Variants in MTMR7 observed in about 807,000 individuals in gnomAD.
The protein encoded by MTMR7 is phosphatidylinositol-3-phosphate phosphatase MTMR7.
MTMR7 carries 76 observed loss-of-function variants against 81.2 expected under a neutral mutation model. That is an observed-to-expected ratio of 0.94 (90% CI 0.78 to 1.13). The LOEUF (loss-of-function observed/expected upper bound fraction) is 1.13, where lower values mean the gene tolerates loss of function less well. MTMR7 is among the 50% of genes most tolerant of loss of function. The probability of loss-of-function intolerance (pLI) is 0.00; values close to 1 mark genes in which losing one functional copy is unlikely to be tolerated. For missense variants in MTMR7, 1,044 were observed against 820.0 expected, an observed-to-expected ratio of 1.27 and a Z score of -3.34; for synonymous variants, 372 against 289.8, an observed-to-expected ratio of 1.28 and a Z score of -2.88.
intron 1 of MTMR7, among the ~76,000 whole-genome samples, chr8:17,409,653 G>T (rs1821686820): frequency 6.6e-6 from 1 of 152,108 alleles, no homozygotes; most frequent in African/African-American, 2.4e-5. Flanking sequence ...GACATTAAAT[G>T]AACATAACTC....
intron 13 of MTMR7, 159 bp downstream of exon 13, chr8:17,301,995 T>C: frequency 1.1e-6 from 1 of 901,464 alleles, no homozygotes; most frequent in Non-Finnish European, 1.6e-6. Flanking sequence ...TGGGCTTCGG[T>C]TATCTGAGTC....
At chr8:17,300,396 G>A (rs1817037388) in intron 13 of MTMR7, 172 bp from the exon 14 acceptor site, 1 of 656,052 alleles carries the variant, frequency 1.5e-6, no homozygotes, top group Non-Finnish European at 2.5e-6. Flanking sequence ...AAATCTGTGA[G>A]GCCTGCTTTA....
chr8:17,321,252 A>G lies in MTMR7; in HGVS notation c.866-7851T>C, dbSNP rs954430577. Among the ~76,000 whole-genome samples, 3 of 152,338 alleles carry G rather than the reference A, an allele frequency of 2.0e-5. No individual in the cohort carries two copies. In the East Asian group the frequency reaches 5.8e-4, roughly 29 times the overall value. ...AAATGGCCTGTGCCAAAAGCAAGAG[A>G]GGAATGGATGGCCACAGGACCAGGC... On this transcript the variant is annotated intron_variant, in intron 7 of 13. Coordinates refer to ENST00000180173, the MANE Select transcript of MTMR7 (RefSeq NM_004686.5).
Position 17,349,096 on chromosome 8 carries a change from T to TA in MTMR7, c.469-16dup, listed in dbSNP as rs1563351245. On this transcript the variant is annotated splice_polypyrimidine_tract_variant and intron_variant, in intron 4 of 13. Transcript: ENST00000180173. ...GAGTCACAGACCTGTCACCAGAAAA[T>TA]ACAAAGAGATTTTTAGGCCATCTAG... 6.2e-7 allele frequency: 1 copy of TA among 1,608,870 alleles called. No homozygotes were observed. Among genetic ancestry groups the TA allele is most frequent in the South Asian group, 1.1e-5 (1 of 90,638 alleles).
chr8:17,404,337 G>A (rs6988585), intron 1 of MTMR7, among the ~76,000 whole-genome samples: 1 of 152,038 alleles, frequency 6.6e-6, no homozygotes, highest in Non-Finnish European at 1.5e-5. Context: ...AGATTGGAAA[G>A]AGTACAAGAG....
chr8:17,409,196 A>C (rs10113143), intron 1 of MTMR7, among the ~76,000 whole-genome samples: 104,009 of 152,026 alleles, frequency 0.68, 36,211 homozygotes, highest in East Asian at 0.9. Flanking sequence ...CAGTGGCTCA[A>C]ACCTGCAATC....
intron 1 of MTMR7, among the ~76,000 whole-genome samples, chr8:17,400,209 A>G (rs1821386277): frequency 6.6e-6 from 1 of 152,228 alleles, no homozygotes; most frequent in African/African-American, 2.4e-5. Context: ...ATAAAAGAAA[A>G]TTCTGAAATA....
intron 1 of MTMR7, among the ~76,000 whole-genome samples, chr8:17,378,184 C>T (rs571667065): frequency 6.6e-6 from 1 of 152,096 alleles, no homozygotes; most frequent in South Asian, 2.1e-4. Context: ...ATAGTTCCTA[C>T]AGGTCCCAGA....
At chr8:17,391,096 G>C (rs1821094556) in intron 1 of MTMR7, among the ~76,000 whole-genome samples, 1 of 152,172 alleles carries the variant, frequency 6.6e-6, no homozygotes, top group Non-Finnish European at 1.5e-5. Context: ...CAAGACCCTG[G>C]GCAGGAACAG....
Position 17,311,629 on chromosome 8 carries a change from G to A in MTMR7, c.983C>T (p.Ser328Leu). ...DAGIFIAKAV[S>L]EEGASVLVHC... ...AACAAGCACACTTGCCCCTTCCTCT[G>A]ACACTGCCTAGAAAACACACGATCC... Residue 328 changes from serine (S) to leucine (L), a missense_variant, in exon 9 of 14, where the codon TCA (serine) becomes TTA (leucine). By Grantham distance (145) the Ser-to-Leu change is moderately radical. Coordinates refer to ENST00000180173, the MANE Select transcript of MTMR7 (RefSeq NM_004686.5). 6.2e-7 allele frequency: 1 copy of A among 1,614,052 alleles called. No homozygotes were observed.
chr8:17,355,187 T>C (rs994275999), intron 4 of MTMR7, among the ~76,000 whole-genome samples: 1 of 152,198 alleles, frequency 6.6e-6, no homozygotes, highest in African/African-American at 2.4e-5. Context: ...TGCCCAAGGA[T>C]GTGTCATATT....
intron 4 of MTMR7, 87 bp from the exon 5 acceptor site, chr8:17,349,168 C>A: frequency 6.7e-7 from 1 of 1,485,822 alleles, no homozygotes; most frequent in South Asian, 1.2e-5. Flanking sequence ...ACCACGCTTA[C>A]AGGTACATCC....
intron 1 of MTMR7, among the ~76,000 whole-genome samples, chr8:17,398,760 A>C (rs1821333469): frequency 6.6e-6 from 1 of 152,248 alleles, no homozygotes; most frequent in African/African-American, 2.4e-5. Flanking sequence ...GGTAACTACA[A>C]CTTTTCAAGG....
chr8:17,337,363 A>C (rs11991904), intron 6 of MTMR7, among the ~76,000 whole-genome samples: 8,241 of 64,594 alleles, frequency 0.13, 633 homozygotes, highest in African/African-American at 0.39. Context: ...ACTCCGTCCC[A>C]AAAAAAAAAA....
At chr8:17,334,848 C>T (rs544862888) in intron 6 of MTMR7, among the ~76,000 whole-genome samples, 104 of 152,220 alleles carry the variant, frequency 6.8e-4, no homozygotes, top group African/African-American at 2.4e-3. Context: ...TCAGGGGTAA[C>T]GTTTTGTTTA....
At chr8:17,359,127 G>C (rs1585088005) in intron 4 of MTMR7, among the ~76,000 whole-genome samples, 2 of 151,898 alleles carry the variant, frequency 1.3e-5, no homozygotes, top group Admixed American at 1.3e-4. Context: ...CAAACTCCAG[G>C]GCTCAAGCAG....
intron 6 of MTMR7, among the ~76,000 whole-genome samples, chr8:17,339,317 A>C (rs1383486733): frequency 2.0e-4 from 31 of 152,160 alleles, no homozygotes; most frequent in Non-Finnish European, 2.9e-5. Context: ...CATACGACTC[A>C]ATGGTGTTTG....
intron 1 of MTMR7, among the ~76,000 whole-genome samples, chr8:17,397,318 G>A (rs1449932923): frequency 6.6e-6 from 1 of 152,160 alleles, no homozygotes; most frequent in Admixed American, 6.5e-5. Flanking sequence ...TTCTGGACCT[G>A]CCCTAGGCTA....
At chr8:17,397,652 C>T (rs750252327) in intron 1 of MTMR7, among the ~76,000 whole-genome samples, 8 of 152,210 alleles carry the variant, frequency 5.3e-5, no homozygotes, top group African/African-American at 1.7e-4. Context: ...GAACTCGCCA[C>T]CCTGAAGGGA....
Sources: gnomAD v4.1 joint callset for allele counts (sites outside exome capture counted in the v4.1 genomes callset) on GRCh38, gnomAD v4.1.1 for gene constraint, MANE v1.5 for transcripts, NCBI Gene and HGNC (gene_info 2026-07-23, HGNC 2026-07-21) for gene names.